Variants in ACO2 observed in about 807,000 individuals in gnomAD.
ACO2 encodes the protein aconitate hydratase, mitochondrial.
Under a neutral mutation model 84.5 loss-of-function variants are expected in ACO2, and 31 were observed. The ratio of observed to expected loss-of-function variants is 0.37; its 90% confidence interval spans 0.28 to 0.50. ACO2 has a LOEUF of 0.50. Ranked by LOEUF, ACO2 falls within the 20% of genes least tolerant of loss-of-function variation. The probability of loss-of-function intolerance (pLI) is 0.97; values close to 1 mark genes in which losing one functional copy is unlikely to be tolerated. For missense variants in ACO2, 685 were observed against 1,029.3 expected, an observed-to-expected ratio of 0.67 and a Z score of 4.58; for synonymous variants, 414 against 412.7, an observed-to-expected ratio of 1.00 and a Z score of -0.04.
chr22:41,527,910 T>G lies in ACO2; in HGVS notation c.2096T>G (p.Leu699Arg). Residue 699 changes from leucine to arginine, a missense_variant, in exon 17 of 18, where the codon CTG becomes CGG. By Grantham distance (102) the Leu-to-Arg change is moderately radical. Transcript: ENST00000216254. ...GCCGCCTGCTTTCCAGAGACCAACC[T>G]GAAGAAACAGGGCCTGCTGCCTCTG... ...KSFARIHETN[L>R]KKQGLLPLTF... The G allele has an allele frequency of 6.2e-7, 1 of 1,614,148 alleles. No individual in the cohort carries two copies. Among genetic ancestry groups the G allele is most frequent in the Non-Finnish European group, 8.5e-7 (1 of 1,180,020 alleles).
In ACO2 at chr22:41,515,946, C is replaced by T; in HGVS notation, c.835+29C>T. 6.2e-7 allele frequency: 1 copy of T among 1,604,734 alleles called. No homozygotes were observed. The highest frequency in any genetic ancestry group is 1.1e-5 in the South Asian group (1 of 89,828). ...AGGAAGGCGGCCAGGCGACGTGGCC[C>T]CTACCCTGTGCTGGGCCTGATGGGT... On this transcript the variant is annotated intron_variant, in intron 6 of 17. Coordinates refer to ENST00000216254, the MANE Select transcript of ACO2 (RefSeq NM_001098.3). The surrounding 1 kb of genome is among the most constrained non-coding windows in gnomAD (Gnocchi z 5.8).
chr22:41,505,951 G>T (rs2066389827), intron 2 of ACO2, among the ~76,000 whole-genome samples: 1 of 152,188 alleles, frequency 6.6e-6, no homozygotes, highest in Admixed American at 6.6e-5. Context: ...GGCTATAGAA[G>T]TGGAAGCTGT....
rs991753140 is a variant in ACO2, at chr22:41,489,700, G to A, written c.37-10026G>A. Among the ~76,000 whole-genome samples, 8 of 151,608 alleles carry A rather than the reference G, an allele frequency of 5.3e-5. No homozygotes were observed. In the East Asian group the frequency reaches 9.7e-4, roughly 18 times the overall value. ...GCAAGACTTCTTTATAGGTGAGGCC[G>A]TGTCACCAGGAGGCACCGGTGTCGG... is the stretch of plus-strand genomic sequence containing the variant. On this transcript the variant is annotated intron_variant, in intron 1 of 17. Coordinates refer to ENST00000216254, the MANE Select transcript of ACO2 (RefSeq NM_001098.3).
chr22:41,478,452 C>T (rs1601879623), intron 1 of ACO2, among the ~76,000 whole-genome samples: 1 of 152,096 alleles, frequency 6.6e-6, no homozygotes, highest in African/African-American at 2.4e-5. Flanking sequence ...CCAAGAAAAC[C>T]CTTTCAATAC....
At chr22:41,478,630 A>G (rs576374127) in intron 1 of ACO2, among the ~76,000 whole-genome samples, 2 of 152,138 alleles carry the variant, frequency 1.3e-5, no homozygotes, top group South Asian at 4.2e-4. Flanking sequence ...CCTGGTGAGT[A>G]TTTCTGCTTT....
chr22:41,495,903 A>G (rs2066310209), intron 1 of ACO2, among the ~76,000 whole-genome samples: 1 of 151,834 alleles, frequency 6.6e-6, no homozygotes, highest in Non-Finnish European at 1.5e-5. Flanking sequence ...GCTCAGCCAC[A>G]GTTGTTTTTA....
intron 12 of ACO2, among the ~76,000 whole-genome samples, chr22:41,524,259 G>A (rs970404026): frequency 1.3e-5 from 2 of 152,206 alleles, no homozygotes; most frequent in African/African-American, 2.4e-5. Context: ...CTGTGTCCCC[G>A]TAATCCTCGG....
At chr22:41,477,012 G>A (rs1601878139) in intron 1 of ACO2, among the ~76,000 whole-genome samples, 3 of 151,658 alleles carry the variant, frequency 2.0e-5, no homozygotes, top group South Asian at 4.2e-4. Flanking sequence ...AACTGGGCAT[G>A]GTGGCGTGTA....
rs201718643 is a variant in ACO2 at position 41,515,732 on chromosome 22, G to A, written c.685-35G>A. 4.3e-6 allele frequency: 7 copies of A among 1,611,968 alleles called. No homozygotes were observed. The Admixed American group carries it at 8.3e-5, about 19-fold the overall frequency. ...CTTCGTGGCTGGCACAGGCACACAC[G>A]GCCTCTCACAGCCGCCTCGCCCCCT... On this transcript the variant is annotated intron_variant, in intron 5 of 17. Transcript: ENST00000216254. This position sits in a 1 kb window ranked among gnomAD's most constrained non-coding sequence, Gnocchi z 5.8.
At chr22:41,487,957 T>A (rs192391878) in intron 1 of ACO2, among the ~76,000 whole-genome samples, 17 of 152,304 alleles carry the variant, frequency 1.1e-4, no homozygotes, top group Admixed American at 1.1e-3. Flanking sequence ...CAAATCCTAC[T>A]ATTATTACCT....
chr22:41,503,606 G>C (rs2066369991), intron 2 of ACO2, among the ~76,000 whole-genome samples: 1 of 152,186 alleles, frequency 6.6e-6, no homozygotes, highest in Non-Finnish European at 1.5e-5. Context: ...TGAGGTGACA[G>C]GTGTGAGCCA....
At chr22:41,517,460 C>T (rs1231435818) in intron 6 of ACO2, 67 bp from the exon 7 acceptor site, 20 of 1,298,096 alleles carry the variant, frequency 1.5e-5, no homozygotes, top group Non-Finnish European at 2.1e-5. Context: ...TGCAGGTGGC[C>T]GCGTAGCAGG....
Position 41,528,508 on chromosome 22 carries a change from C to A in ACO2, c.2238C>A (p.Asn746Lys), listed in dbSNP as rs746682822. 1 of 1,612,584 alleles carries A rather than the reference C, an allele frequency of 6.2e-7. No individual in the cohort carries two copies. The highest frequency in any genetic ancestry group is 1.7e-5 in the Admixed American group (1 of 60,022). ...TGAAGTGCATCATCAAGCACCCCAA[C>A]GGGACCCAGGAGACCATCCTCCTGA... ...KPLKCIIKHP[N>K]GTQETILLNH... is the part of the protein sequence containing the mutation. Residue 746 changes from asparagine to lysine, a missense_variant, in exon 18 of 18, where the codon AAC becomes AAA. Asn to Lys is a moderately conservative substitution (Grantham distance 94). Transcript: ENST00000216254.
intron 6 of ACO2, among the ~76,000 whole-genome samples, chr22:41,517,021 C>T (rs1405732777): frequency 6.6e-6 from 1 of 152,132 alleles, no homozygotes; most frequent in South Asian, 2.1e-4. Flanking sequence ...AGAAAAGTGT[C>T]TCCACCATGG....
At chr22:41,504,114 G>T (rs2066374405) in intron 2 of ACO2, among the ~76,000 whole-genome samples, 1 of 152,220 alleles carries the variant, frequency 6.6e-6, no homozygotes, top group Non-Finnish European at 1.5e-5. Context: ...CACTCGGGAG[G>T]CTGAGGCAGG....
In ACO2 at chr22:41,516,711, T is replaced by C. The variant is rs549105345; in HGVS notation, c.835+794T>C. ...TTTGTGGTCCAGACAGTGTGTATCA[T>C]TTCAGTTTTTGTTTTTGTTCTTGTT... On this transcript the variant is annotated intron_variant, in intron 6 of 17. Coordinates refer to ENST00000216254, the MANE Select transcript of ACO2 (RefSeq NM_001098.3). Among the ~76,000 whole-genome samples, 211 of 152,256 alleles carry C rather than the reference T, an allele frequency of 1.4e-3. 1 individual carries two copies. The highest frequency in any genetic ancestry group is 2.6e-3 in the Admixed American group (40 of 15,280).
intron 11 of ACO2, among the ~76,000 whole-genome samples, chr22:41,523,602 A>C (rs975788721): frequency 5.9e-5 from 9 of 152,212 alleles, no homozygotes; most frequent in African/African-American, 2.2e-4. Context: ...GCCTTGACCA[A>C]GGCCTTGCCT....
At chr22:41,474,755 T>C (rs1490412275) in intron 1 of ACO2, among the ~76,000 whole-genome samples, 1 of 151,462 alleles carries the variant, frequency 6.6e-6, no homozygotes, top group Non-Finnish European at 1.5e-5. Flanking sequence ...CCCGCTACCA[T>C]GCCTGGCTAA....
chr22:41,516,111 A>G (rs2066474230), intron 6 of ACO2, 194 bp downstream of exon 6: 1 of 730,460 alleles, frequency 1.4e-6, no homozygotes, highest in African/African-American at 1.7e-5. Flanking sequence ...CATTAAACAG[A>G]TGAAGAGATT....
Sources: allele counts gnomAD v4.1 joint callset (sites outside exome capture counted in the v4.1 genomes callset), GRCh38; gene constraint gnomAD v4.1.1; non-coding constraint Gnocchi (gnomAD v3.1); transcripts MANE v1.5; gene names NCBI Gene and HGNC (gene_info 2026-07-23, HGNC 2026-07-21).